OR2L13: variants seen among roughly 807,000 people sequenced by gnomAD.
The protein encoded by OR2L13 is olfactory receptor 2L13.
OR2L13 carries 14 observed loss-of-function variants against 15.3 expected under a neutral mutation model. The observed-to-expected ratio is 0.91, with a 90% CI of 0.60 to 1.43. The LOEUF (loss-of-function observed/expected upper bound fraction) is 1.43. Among genes scored for constraint, OR2L13 ranks in the 40% most tolerant of loss-of-function variants. OR2L13 has a pLI of 0.00. For synonymous variants in OR2L13, 152 were observed against 142.9 expected, an observed-to-expected ratio of 1.06 and a Z score of -0.45; for missense variants, 367 against 387.9, an observed-to-expected ratio of 0.95 and a Z score of 0.45.
the OR2L13 span, among the ~76,000 whole-genome samples, chr1:247,993,785 G>C: frequency 2.9e-4 from 40 of 136,440 alleles, no homozygotes; most frequent in Non-Finnish European, 2.5e-4. Context: ...GAGAGAGAGA[G>C]AGAGAGAGAG....
chr1:247,969,188 G>T, the OR2L13 span, among the ~76,000 whole-genome samples: 6 of 151,850 alleles, frequency 4.0e-5, no homozygotes, highest in African/African-American at 1.5e-4. Context: ...TTTTTGATGG[G>T]GTTGTTTGTT....
At chr1:247,980,163 T>C in the OR2L13 span, among the ~76,000 whole-genome samples, 405 of 152,276 alleles carry the variant, frequency 2.7e-3, 1 homozygote, top group African/African-American at 8.9e-3. Context: ...ATTTAATTAC[T>C]AAATATACCC....
chr1:247,955,082 A>G, the OR2L13 span, among the ~76,000 whole-genome samples: 14 of 152,054 alleles, frequency 9.2e-5, no homozygotes, highest in African/African-American at 3.4e-4. Flanking sequence ...ATATCTCCTA[A>G]TGCTATCCCT....
chr1:247,938,263 A>C, the OR2L13 span, among the ~76,000 whole-genome samples: 5 of 152,180 alleles, frequency 3.3e-5, no homozygotes, highest in Non-Finnish European at 7.3e-5. Context: ...ATGATATATA[A>C]AAATGTATTG....
At chr1:248,006,243 ATGTGTGTGTGTGTGTG>A in the OR2L13 span, among the ~76,000 whole-genome samples, 36 of 139,726 alleles carry the variant, frequency 2.6e-4, no homozygotes, top group African/African-American at 6.0e-4. Flanking sequence ...ATTGCAAGAT[ATGTGTGTGTGTGTGTG>A]TGTGTGTGTG....
chr1:248,045,490 AGTC>A, the OR2L13 span, among the ~76,000 whole-genome samples: 1 of 152,176 alleles, frequency 6.6e-6, no homozygotes. Flanking sequence ...ATTCCCTTGA[AGTC>A]TGTCTTACCG....
the OR2L13 span, chr1:248,040,429 T>G: frequency 1.3e-5 from 2 of 152,154 alleles, no homozygotes; most frequent in Non-Finnish European, 2.9e-5. Flanking sequence ...AACACAGATT[T>G]GAACTGTGCA....
chr1:247,944,701 T>C, the OR2L13 span, among the ~76,000 whole-genome samples: 3 of 152,184 alleles, frequency 2.0e-5, no homozygotes, highest in African/African-American at 4.8e-5. Context: ...CTTTATCCAG[T>C]CTATCATTAA....
the OR2L13 span, chr1:248,038,629 G>C: frequency 1.2e-5 from 20 of 1,614,024 alleles, no homozygotes; most frequent in Admixed American, 1.7e-5. Flanking sequence ...GCCTATGATC[G>C]TTATGTGGCC....
the OR2L13 span, among the ~76,000 whole-genome samples, chr1:248,037,265 A>G: frequency 6.6e-6 from 1 of 152,226 alleles, no homozygotes; most frequent in East Asian, 1.9e-4. Flanking sequence ...AGACAATTCA[A>G]GAAGGAAATA....
chr1:248,042,321 C>T, the OR2L13 span: 1 of 126,722 alleles, frequency 7.9e-6, no homozygotes, highest in African/African-American at 3.1e-5. Context: ...CACATGGACA[C>T]AGGAAGGGGA....
the OR2L13 span, chr1:248,003,463 G>T: frequency 6.2e-7 from 1 of 1,608,644 alleles, no homozygotes; most frequent in Middle Eastern, 1.7e-4. Flanking sequence ...TTGTAGAAGC[G>T]CTACTCCTGA....
At chr1:247,960,353 G>T in the OR2L13 span, among the ~76,000 whole-genome samples, 1 of 152,160 alleles carries the variant, frequency 6.6e-6, no homozygotes, top group African/African-American at 2.4e-5. Context: ...CACCCCTACT[G>T]GGGGGTGCCT....
At chr1:247,955,169 A>G in the OR2L13 span, among the ~76,000 whole-genome samples, 1 of 151,734 alleles carries the variant, frequency 6.6e-6, no homozygotes, top group Admixed American at 6.6e-5. Context: ...CCATTGTTCA[A>G]TTCCCACCTA....
chr1:247,978,344 C>T, the OR2L13 span, among the ~76,000 whole-genome samples: 1 of 152,152 alleles, frequency 6.6e-6, no homozygotes, highest in Non-Finnish European at 1.5e-5. Flanking sequence ...AACCCGTGGG[C>T]GTGTAACAAT....
chr1:248,003,399 C>G, the OR2L13 span: 2 of 1,609,924 alleles, frequency 1.2e-6, no homozygotes, highest in South Asian at 1.1e-5. Context: ...GGAAACAAGT[C>G]TATCTCCTTC....
chr1:247,998,020 T>C, the OR2L13 span, among the ~76,000 whole-genome samples: 1 of 152,156 alleles, frequency 6.6e-6, no homozygotes, highest in Non-Finnish European at 1.5e-5. Context: ...GTTTCTATGA[T>C]GACTACAGGA....
the OR2L13 span, among the ~76,000 whole-genome samples, chr1:247,947,052 C>G: frequency 6.6e-6 from 1 of 152,190 alleles, no homozygotes; most frequent in Non-Finnish European, 1.5e-5. Flanking sequence ...GTGGTTATTG[C>G]TTTTGTTTAC....
chr1:248,010,760 GTTGTTTTTTTTTTT>G, the OR2L13 span, among the ~76,000 whole-genome samples: 1 of 31,068 alleles, frequency 3.2e-5, no homozygotes, highest in African/African-American at 1.1e-4. Flanking sequence ...CTGCTTTGTT[GTTGTTTTTTTTTTT>G]TTTTTTTTTT....
Sources: gnomAD v4.1 joint callset for allele counts (sites outside exome capture counted in the v4.1 genomes callset) on GRCh38, gnomAD v4.1.1 for gene constraint, MANE v1.5 for transcripts, NCBI Gene and HGNC (gene_info 2026-07-23, HGNC 2026-07-21) for gene names.